Variants in ZDHHC17 observed in about 807,000 individuals in gnomAD.
The protein encoded by ZDHHC17 is palmitoyltransferase ZDHHC17.
In ZDHHC17, 40 loss-of-function variants were observed where a neutral mutation model predicts 90.3. The ratio of observed to expected loss-of-function variants is 0.44; its 90% CI spans 0.34 to 0.58. ZDHHC17 has a LOEUF of 0.58. Ranked by LOEUF, ZDHHC17 falls within the 20% of genes least tolerant of loss-of-function variation. The probability of loss-of-function intolerance (pLI) is 0.01; values close to 1 mark genes in which losing one functional copy is unlikely to be tolerated. For synonymous variants in ZDHHC17, 235 were observed against 252.4 expected (o/e 0.93, Z 0.65); for missense variants, 614 against 780.8 (o/e 0.79, Z 2.55).
chr12:76,789,803 G>T (rs1170228545), intron 1 of ZDHHC17, among the ~76,000 whole-genome samples: 1 of 152,138 alleles, frequency 6.6e-6, no homozygotes, highest in East Asian at 1.9e-4. Context: ...AATCCCAGTT[G>T]AGGGTCATAC....
Position 76,842,959 on chromosome 12 carries a change from G to T in ZDHHC17, c.1307G>T (p.Ser436Ile). ...ELAETGSLDLSIFCSTCLIRK... is the reference protein window; with the variant it reads ...ELAETGSLDLIIFCSTCLIRK... ...GCAGAGACAGGAAGTCTGGACCTCA[G>T]TATATTCTGCAGTACCTGTTTGGTA... The change falls in exon 12 of 17, where the codon AGT (serine) becomes ATT (isoleucine). Residue 436 changes from serine to isoleucine, a missense_variant. Ser to Ile is a moderately radical substitution (Grantham distance 142, BLOSUM62 -2). Coordinates refer to ENST00000426126, the MANE Select transcript of ZDHHC17 (RefSeq NM_015336.4). The T allele has an allele frequency of 6.2e-7, 1 of 1,611,072 alleles. No individual in the cohort carries two copies. Among genetic ancestry groups the T allele is most frequent in the Non-Finnish European group, 8.5e-7 (1 of 1,178,202 alleles).
At chr12:76,822,957 T>A (rs899436764) in intron 8 of ZDHHC17, among the ~76,000 whole-genome samples, 2 of 152,166 alleles carry the variant, frequency 1.3e-5, no homozygotes, top group Admixed American at 1.3e-4. Context: ...CATTTCTCAA[T>A]GTAATTTTTA....
intron 10 of ZDHHC17, among the ~76,000 whole-genome samples, chr12:76,833,353 AT>A (rs1432655287): frequency 6.6e-6 from 1 of 152,014 alleles, no homozygotes; most frequent in East Asian, 1.9e-4. Flanking sequence ...TAGGTGGGAA[AT>A]TATTAAGAGT....
At position 76,838,577 on chromosome 12, in the gene ZDHHC17, G is replaced by T. The variant is rs914081641; in HGVS notation, c.1142-3405G>T. Among the ~76,000 whole-genome samples the T allele has an allele frequency of 1.4e-4, 21 of 152,270 alleles. 1 individual carries two copies. In the South Asian group the frequency reaches 2.3e-3, roughly 17 times the overall value. ...TGTAAATTCTTGCTGAGAAACTTGG[G>T]TTTAGCTGTCTTAAGATCTTGCTGA... On this transcript the variant is annotated intron_variant, in intron 10 of 16. Coordinates refer to ENST00000426126, the MANE Select transcript of ZDHHC17 (RefSeq NM_015336.4).
rs1953561547 is a variant in ZDHHC17, at chr12:76,851,047, C to G, written c.*62C>G. 1.9e-6 allele frequency: 3 copies of G among 1,598,398 alleles called. No individual in the cohort carries two copies. Among genetic ancestry groups the G allele is most frequent in the Admixed American group, 1.7e-5 (1 of 58,380 alleles). On this transcript the variant is annotated 3_prime_UTR_variant, in exon 17 of 17. Coordinates refer to ENST00000426126, the MANE Select transcript of ZDHHC17 (RefSeq NM_015336.4). ...GCCTGAAAATTGTGTCTGTCCGTGT[C>G]TTTCTCACACTCGAATCCACATCCT...
In ZDHHC17 at chr12:76,827,980, G is replaced by T. The variant is rs115844093; in HGVS notation, c.1041-410G>T. ...TCCAACTTTTGCTGGAGTGTTATAGGTAAGGAGAAATAATGATGAAACAGA... is the reference window on the plus strand; with the variant it reads ...TCCAACTTTTGCTGGAGTGTTATAGTTAAGGAGAAATAATGATGAAACAGA... On this transcript the variant is annotated intron_variant, in intron 9 of 16. Coordinates refer to ENST00000426126, the MANE Select transcript of ZDHHC17 (RefSeq NM_015336.4). Among the ~76,000 whole-genome samples, 595 of 152,166 alleles carry T rather than the reference G, an allele frequency of 3.9e-3. 8 individuals carry two copies. The highest frequency in any genetic ancestry group is 0.014 in the African/African-American group (576 of 41,526).
chr12:76,811,311 C>G (rs769762120), intron 5 of ZDHHC17, among the ~76,000 whole-genome samples: 4 of 152,136 alleles, frequency 2.6e-5, no homozygotes, highest in Admixed American at 1.3e-4. Flanking sequence ...GTAAATGGTG[C>G]TATAGCACAT....
intron 10 of ZDHHC17, among the ~76,000 whole-genome samples, chr12:76,831,025 C>A (rs528328194): frequency 2.7e-4 from 40 of 149,954 alleles, no homozygotes; most frequent in Non-Finnish European, 4.5e-4. Context: ...AATACTTCTG[C>A]CTTTAAAATA....
chr12:76,771,081 A>C (rs1320455355), intron 1 of ZDHHC17, among the ~76,000 whole-genome samples: 1 of 152,196 alleles, frequency 6.6e-6, no homozygotes, highest in African/African-American at 2.4e-5. Context: ...TTTATTACAG[A>C]TGGATAATTT....
chr12:76,817,273 G>C (rs939345946), intron 7 of ZDHHC17, among the ~76,000 whole-genome samples: 5 of 152,164 alleles, frequency 3.3e-5, no homozygotes, highest in South Asian at 4.1e-4. Flanking sequence ...GACTAAACCT[G>C]ATCAATATAC....
intron 1 of ZDHHC17, among the ~76,000 whole-genome samples, chr12:76,779,165 T>C (rs1412515497): frequency 2.6e-5 from 4 of 152,176 alleles, no homozygotes; most frequent in African/African-American, 9.7e-5. Flanking sequence ...TCCTAGTTGA[T>C]TATTTATTTT....
Position 76,809,098 on chromosome 12 carries a change from A to G in ZDHHC17, c.376A>G (p.Thr126Ala), listed in dbSNP as rs1415936991. ...VDQLGGDLNSTPLHWATRQGH... is the reference protein window; with the variant it reads ...VDQLGGDLNSAPLHWATRQGH... ...TCAACTTGGAGGGGACCTGAATTCA[A>G]CTCCATTGCACTGGGCCACAAGGTT... The change falls in exon 4 of 17, where the codon ACT becomes GCT. Residue 126 changes from threonine (T) to alanine (A), a missense_variant. Around this residue, in one of 5 missense-constraint regions of ZDHHC17, gnomAD observed 358 missense variants for 380.4 expected, o/e 0.94. Transcript: ENST00000426126. The G allele has an allele frequency of 2.6e-6, 4 of 1,560,234 alleles. No individual in the cohort carries two copies.
chr12:76,795,660 T>A (rs1268567357), intron 1 of ZDHHC17, among the ~76,000 whole-genome samples: 1 of 152,192 alleles, frequency 6.6e-6, no homozygotes, highest in African/African-American at 2.4e-5. Flanking sequence ...GATTGAAAAC[T>A]GGAATTCTGT....
intron 3 of ZDHHC17, among the ~76,000 whole-genome samples, chr12:76,806,627 G>T (rs1462629801): frequency 6.6e-6 from 1 of 152,078 alleles, no homozygotes; most frequent in Non-Finnish European, 1.5e-5. Context: ...CACCCGCCTC[G>T]GCTTCCCAAA....
intron 1 of ZDHHC17, among the ~76,000 whole-genome samples, chr12:76,786,391 G>A (rs1266807374): frequency 6.6e-6 from 1 of 152,088 alleles, no homozygotes; most frequent in Admixed American, 6.6e-5. Flanking sequence ...TGAGTAGCTG[G>A]GATGGCAGGC....
chr12:76,789,444 A>G (rs1952733342), intron 1 of ZDHHC17, among the ~76,000 whole-genome samples: 1 of 152,236 alleles, frequency 6.6e-6, no homozygotes, highest in African/African-American at 2.4e-5. Context: ...CAGTTAGGAC[A>G]TGTAAGAATA....
chr12:76,824,782 G>T (rs907185510), intron 8 of ZDHHC17, among the ~76,000 whole-genome samples: 3 of 151,526 alleles, frequency 2.0e-5, no homozygotes, highest in African/African-American at 7.3e-5. Context: ...GGTTGAGGCT[G>T]CAGTGAGCCA....
chr12:76,826,839 G>T (rs1051367190), intron 8 of ZDHHC17, 69 bp from the exon 9 acceptor site: 4 of 1,437,134 alleles, frequency 2.8e-6, no homozygotes, highest in Non-Finnish European at 3.7e-6. Flanking sequence ...CTTCACAAAG[G>T]TAACAATGAT....
chr12:76,773,346 C>T (rs1490784926), intron 1 of ZDHHC17, among the ~76,000 whole-genome samples: 2 of 152,044 alleles, frequency 1.3e-5, no homozygotes, highest in Non-Finnish European at 2.9e-5. Flanking sequence ...CAGTATGTTG[C>T]CTTTTGGATT....
Sources: allele counts gnomAD v4.1 joint callset (sites outside exome capture counted in the v4.1 genomes callset), GRCh38; gene constraint gnomAD v4.1.1; regional missense constraint gnomAD v4.1.1; transcripts MANE v1.5; gene names NCBI Gene and HGNC (gene_info 2026-07-23, HGNC 2026-07-21).